Variants in ITSN1 observed in about 807,000 individuals in gnomAD.
ITSN1 encodes intersectin-1.
Under a neutral mutation model 239.8 loss-of-function variants are expected in ITSN1, and 58 were observed. The observed-to-expected ratio is 0.24, with a 90% CI of 0.20 to 0.30. The LOEUF is 0.30. Among genes scored for constraint, ITSN1 ranks in the 10% least tolerant of loss-of-function variants. The probability of loss-of-function intolerance (pLI) is 1.00; values close to 1 mark genes in which losing one functional copy is unlikely to be tolerated. For missense variants in ITSN1, 1,558 were observed against 2,103.3 expected, an observed-to-expected ratio of 0.74 and a Z score of 5.07; for synonymous variants, 780 against 770.8, an observed-to-expected ratio of 1.01 and a Z score of -0.20.
rs1455558782 is a variant in ITSN1 at position 33,764,335 on chromosome 21, G to C, written c.789-1540G>C. ...GTGTGGTGAAAAAACAAGAATTTCA[G>C]CCACCTTCTAACTGGTTTACCTAGG... On this transcript the variant is annotated intron_variant, in intron 9 of 39. Transcript: ENST00000381318. Among the ~76,000 whole-genome samples, 9 of 152,274 alleles carry C rather than the reference G, an allele frequency of 5.9e-5. No homozygotes were observed. In the South Asian group the frequency reaches 1.0e-3, roughly 18 times the overall value.
At chr21:33,749,597 A>G (rs1415259696) in intron 5 of ITSN1, among the ~76,000 whole-genome samples, 8 of 151,772 alleles carry the variant, frequency 5.3e-5, no homozygotes, top group Non-Finnish European at 1.2e-4. Context: ...AGCCAAGATC[A>G]CGCCACTGCA....
At chr21:33,643,691 T>G (rs2146018182) in intron 1 of ITSN1, 1 of 152,286 alleles carries the variant, frequency 6.6e-6, no homozygotes, top group East Asian at 1.9e-4. Context: ...AGTGCTATTC[T>G]GAGGGCAGCA....
At chr21:33,769,495 G>C (rs1299743742) in intron 11 of ITSN1, among the ~76,000 whole-genome samples, 1 of 152,190 alleles carries the variant, frequency 6.6e-6, no homozygotes, top group Admixed American at 6.5e-5. Flanking sequence ...CGGGCAGCTT[G>C]AACAGTGGGA....
intron 29 of ITSN1, among the ~76,000 whole-genome samples, chr21:33,849,463 G>A (rs1171969942): frequency 6.6e-6 from 1 of 151,814 alleles, no homozygotes; most frequent in Non-Finnish European, 1.5e-5. Flanking sequence ...CTACTCGGGA[G>A]GCTGAGGCAC....
chr21:33,824,684 G>A (rs2073883726), intron 25 of ITSN1, among the ~76,000 whole-genome samples: 1 of 152,194 alleles, frequency 6.6e-6, no homozygotes, highest in African/African-American at 2.4e-5. Context: ...CTGGTGCCCT[G>A]CTCTAGGAGT....
Position 33,660,461 on chromosome 21 carries a change from ATAAC to A in ITSN1, c.-33+17749_-33+17752del, listed in dbSNP as rs377091248. Among the ~76,000 whole-genome samples, 1,101 of 152,334 alleles carry A rather than the reference ATAAC, an allele frequency of 7.2e-3. 13 individuals carry two copies. The highest frequency in any genetic ancestry group is 0.02 in the African/African-American group (847 of 41,572). On this transcript the variant is annotated intron_variant, in intron 1 of 39. Coordinates refer to ENST00000381318, the MANE Select transcript of ITSN1 (RefSeq NM_003024.3). ...ATAAACCTATTACATGTTAACATAA[ATAAC>A]ATTTTTATGAAAACTGTTCACAAAA...
At position 33,867,319 on chromosome 21, in the gene ITSN1, G is replaced by A; in HGVS notation, c.4161G>A (p.Leu1387=). 1 of 1,597,786 alleles carries A rather than the reference G, an allele frequency of 6.3e-7. No homozygotes were observed. ...TGCAACGGGTAACAAGATACCCACT[G>A]ATCATTAAAAATGTAAGTACCTGTC... ...KPMQRVTRYP[L]IIKNILENTP... Residue 1387 remains leucine, a synonymous_variant, in exon 33 of 40, where the codon CTG becomes CTA. Coordinates refer to ENST00000381318, the MANE Select transcript of ITSN1 (RefSeq NM_003024.3).
At chr21:33,645,632 A>G (rs2087868979) in intron 1 of ITSN1, among the ~76,000 whole-genome samples, 1 of 152,178 alleles carries the variant, frequency 6.6e-6, no homozygotes. Flanking sequence ...CCTGGGCGAC[A>G]GAGAGAGCGA....
At position 33,735,177 on chromosome 21, in the gene ITSN1, G is replaced by T. The variant is rs1388138645; in HGVS notation, c.319G>T (p.Val107Phe). Reference sequence around the variant, plus strand: ...TCCCCCTGTCATGAAACAGCAACCAGTTGCTATTTCTAGCGCACCAGCATT... The same window carrying T: ...TCCCCCTGTCATGAAACAGCAACCATTTGCTATTTCTAGCGCACCAGCATT... Reference protein sequence around the residue: ...ALPPVMKQQPVAISSAPAFGM... With the variant: ...ALPPVMKQQPFAISSAPAFGM... Residue 107 changes from valine (V) to phenylalanine (F), a missense_variant, in exon 5 of 40, where the codon GTT becomes TTT. By Grantham distance (50) the Val-to-Phe change is conservative. This residue lies in a region of ITSN1 where 982 missense variants were observed against 1,209.9 expected (regional missense o/e 0.81). Coordinates refer to ENST00000381318, the MANE Select transcript of ITSN1 (RefSeq NM_003024.3). 2.5e-6 allele frequency: 4 copies of T among 1,613,490 alleles called. No individual in the cohort carries two copies. In the East Asian group the frequency reaches 8.9e-5, roughly 36 times the overall value.
chr21:33,692,765 G>C (rs1248336451), intron 1 of ITSN1, among the ~76,000 whole-genome samples: 1 of 151,952 alleles, frequency 6.6e-6, no homozygotes, highest in South Asian at 2.1e-4. Flanking sequence ...AACATTGTCA[G>C]TAATCTATTT....
At chr21:33,869,525 CTG>C (rs1279781220) in intron 33 of ITSN1, among the ~76,000 whole-genome samples, 3 of 152,206 alleles carry the variant, frequency 2.0e-5, no homozygotes, top group East Asian at 1.9e-4. Flanking sequence ...ATGTCAGACA[CTG>C]TGTGTTGATA....
rs532910365 is a variant in ITSN1, at chr21:33,899,531, C to G, written c.*11231C>G. 7 of 152,260 alleles carry G rather than the reference C, an allele frequency of 4.6e-5. No individual in the cohort carries two copies. In the South Asian group the frequency reaches 1.0e-3, roughly 23 times the overall value. The allele number at this position is 152,260 out of a possible 1,614,324, so 9.4% of individuals were successfully genotyped here. On this transcript the variant is annotated 3_prime_UTR_variant, in exon 40 of 40. Transcript: ENST00000381318. ...GACACTATTATAAATTGTAGACTTA[C>G]GTATTTGTCTAAAGGTTTGATGAAG...
rs1187709829 is a variant in ITSN1 at position 33,843,864 on chromosome 21, C to G, written c.3661+7232C>G. 2.0e-5 allele frequency among the ~76,000 whole-genome samples: 3 copies of G among 152,202 alleles called. No individual in the cohort carries two copies. In the East Asian group the frequency reaches 5.8e-4, roughly 29 times the overall value. On this transcript the variant is annotated intron_variant, in intron 29 of 39. Transcript: ENST00000381318. ...ACATATGGAGAGATAATGATGACAT[C>G]TAGCAGAAAATAAGCAGAGAATAAT...
chr21:33,895,956 T>C lies in ITSN1; in HGVS notation c.*7656T>C, dbSNP rs532663069. On this transcript the variant is annotated 3_prime_UTR_variant, in exon 40 of 40. Coordinates refer to ENST00000381318, the MANE Select transcript of ITSN1 (RefSeq NM_003024.3). The stretch of plus-strand genomic sequence containing the variant: ...CAAGCTCAGGTCCCTTCTGAGTGCA[T>C]AGCCCCTTGTGGCTGCCAGGCAGCA... 77 of 152,436 alleles carry C rather than the reference T, an allele frequency of 5.1e-4. No individual in the cohort carries two copies. The highest frequency in any genetic ancestry group is 1.7e-3 in the African/African-American group (71 of 41,552). The allele number at this position is 152,436 out of a possible 1,614,324, so 9.4% of individuals were successfully genotyped here. A position where few individuals can be genotyped will look rare whatever the true frequency, so the allele number is the denominator to read the frequency against.
rs1986321175 is a variant in ITSN1, at chr21:33,890,922, G to A, written c.*2622G>A. ...ACTGCTAGCTTCTCCTGCACACTCTGATCTCCTTTAGCCCAAGAAGGGGCT... is the reference window on the plus strand; with the variant it reads ...ACTGCTAGCTTCTCCTGCACACTCTAATCTCCTTTAGCCCAAGAAGGGGCT... On this transcript the variant is annotated 3_prime_UTR_variant, in exon 40 of 40. Coordinates refer to ENST00000381318, the MANE Select transcript of ITSN1 (RefSeq NM_003024.3). The A allele has an allele frequency of 6.6e-6, 1 of 152,510 alleles. No homozygotes were observed. Among genetic ancestry groups the A allele is most frequent in the Non-Finnish European group, 1.5e-5 (1 of 68,184 alleles). The allele number at this position is 152,510 out of a possible 1,614,324, so 9.4% of individuals were successfully genotyped here.
chr21:33,760,165 T>A (rs1308573695), intron 8 of ITSN1, among the ~76,000 whole-genome samples: 3 of 150,564 alleles, frequency 2.0e-5, no homozygotes, highest in Non-Finnish European at 4.4e-5. Flanking sequence ...TAGGATGTAA[T>A]GACACAATGA....
chr21:33,809,575 T>C (rs1477703623), intron 20 of ITSN1, among the ~76,000 whole-genome samples: 1 of 152,230 alleles, frequency 6.6e-6, no homozygotes, highest in Non-Finnish European at 1.5e-5. Flanking sequence ...TTTTAATTAA[T>C]TTTTACTGAA....
chr21:33,742,621 A>T (rs2066931975), intron 5 of ITSN1, among the ~76,000 whole-genome samples: 1 of 152,218 alleles, frequency 6.6e-6, no homozygotes, highest in Non-Finnish European at 1.5e-5. Context: ...GGAGCAGTCC[A>T]GCCCCTATGA....
intron 14 of ITSN1, among the ~76,000 whole-genome samples, chr21:33,777,835 A>T (rs1009295649): frequency 6.6e-6 from 1 of 152,148 alleles, no homozygotes; most frequent in Non-Finnish European, 1.5e-5. Flanking sequence ...AACCTCCCAT[A>T]CTATATTGGA....
Sources: gnomAD v4.1 joint callset for allele counts (sites outside exome capture counted in the v4.1 genomes callset) on GRCh38, gnomAD v4.1.1 for gene constraint, gnomAD v4.1.1 regional missense constraint, MANE v1.5 for transcripts, NCBI Gene and HGNC (gene_info 2026-07-23, HGNC 2026-07-21) for gene names.